Variants in SCN9A observed in about 807,000 individuals in gnomAD.
SCN9A encodes sodium voltage-gated channel alpha subunit 9.
A neutral mutation model predicts 187.0 loss-of-function variants in SCN9A; 131 were observed. The ratio of observed to expected loss-of-function variants is 0.70; its 90% CI spans 0.61 to 0.81. The LOEUF (loss-of-function observed/expected upper bound fraction) is 0.81, where lower values mean the gene tolerates loss of function less well. Among genes scored for constraint, SCN9A ranks in the 30% least tolerant of loss-of-function variants. SCN9A has a pLI of 0.00. For missense variants in SCN9A, 2,252 were observed against 2,396.6 expected (o/e 0.94, Z 1.26); for synonymous variants, 809 against 808.6 (o/e 1.00, Z -0.01).
chr2:166,274,695 A>C (rs1377008825), intron 16 of SCN9A, among the ~76,000 whole-genome samples: 1 of 152,118 alleles, frequency 6.6e-6, no homozygotes, highest in Non-Finnish European at 1.5e-5. Context: ...TTAAAGAATA[A>C]TAATATGAGT....
intron 17 of SCN9A, among the ~76,000 whole-genome samples, chr2:166,266,415 G>T (rs946223485): frequency 3.3e-5 from 5 of 151,776 alleles, no homozygotes; most frequent in Non-Finnish European, 7.4e-5. Flanking sequence ...CTTATGTATT[G>T]CTCTGTGTGT....
intron 20 of SCN9A, among the ~76,000 whole-genome samples, chr2:166,237,781 T>G: frequency 6.6e-6 from 1 of 152,154 alleles, no homozygotes; most frequent in Non-Finnish European, 1.5e-5. Context: ...TGTTTTATTC[T>G]TAACAAGAAT....
intron 7 of SCN9A, 97 bp downstream of exon 7, chr2:166,302,993 T>C (rs1574900756): frequency 1.0e-6 from 1 of 984,492 alleles, no homozygotes; most frequent in Non-Finnish European, 1.5e-6. Context: ...TTGAATAGCT[T>C]TGAAATGATT....
intron 16 of SCN9A, among the ~76,000 whole-genome samples, chr2:166,273,746 A>C (rs1050469686): frequency 1.3e-5 from 2 of 152,174 alleles, no homozygotes; most frequent in Non-Finnish European, 2.9e-5. Context: ...GAAACAAAAA[A>C]GGAAATTGAA....
chr2:166,214,294 C>T (rs1194821999), intron 24 of SCN9A, among the ~76,000 whole-genome samples: 2 of 152,036 alleles, frequency 1.3e-5, no homozygotes, highest in African/African-American at 4.8e-5. Context: ...GCTTTAATTC[C>T]TGGGATCAGA....
chr2:166,291,744 A>G (rs186292600), intron 9 of SCN9A, among the ~76,000 whole-genome samples: 1 of 152,324 alleles, frequency 6.6e-6, no homozygotes, highest in Non-Finnish European at 1.5e-5. Context: ...ATGGAATAGA[A>G]TAGAGACCTC....
At chr2:166,358,665 A>G (rs547000677) in intron 1 of SCN9A, among the ~76,000 whole-genome samples, 1 of 152,224 alleles carries the variant, frequency 6.6e-6, no homozygotes, top group African/African-American at 2.4e-5. Flanking sequence ...ATTTTAATTA[A>G]ATTGAATTCA....
At chr2:166,281,645 AG>A in intron 13 of SCN9A, 33 bp downstream of exon 13, 1 of 1,581,710 alleles carries the variant, frequency 6.3e-7, no homozygotes, top group Admixed American at 1.8e-5. Flanking sequence ...ATTTTATTTA[AG>A]AATCTGTACA....
intron 1 of SCN9A, among the ~76,000 whole-genome samples, chr2:166,317,603 T>TA (rs1315468171): frequency 6.6e-6 from 1 of 152,228 alleles, no homozygotes; most frequent in African/African-American, 2.4e-5. Context: ...CACACACATA[T>TA]ATATAGATAT....
chr2:166,354,527 C>A (rs1409190604), intron 1 of SCN9A, among the ~76,000 whole-genome samples: 1 of 152,136 alleles, frequency 6.6e-6, no homozygotes, highest in Non-Finnish European at 1.5e-5. Context: ...CACATTTTGA[C>A]ATGTTCACCA....
intron 2 of SCN9A, among the ~76,000 whole-genome samples, chr2:166,311,084 C>T (rs1242081899): frequency 2.8e-5 from 2 of 71,706 alleles, no homozygotes; most frequent in Non-Finnish European, 4.9e-5. Context: ...ATATCACACT[C>T]TAGGGACTGT....
chr2:166,208,088 G>A (rs1693903615), intron 24 of SCN9A, among the ~76,000 whole-genome samples: 2 of 152,226 alleles, frequency 1.3e-5, no homozygotes, highest in South Asian at 4.1e-4. Context: ...ACTTGCGTGG[G>A]TGTTTTGTTT....
intron 10 of SCN9A, among the ~76,000 whole-genome samples, chr2:166,287,165 T>A (rs1334030786): frequency 6.6e-6 from 1 of 152,132 alleles, no homozygotes; most frequent in African/African-American, 2.4e-5. Flanking sequence ...ACTATCCCTT[T>A]ACAAAATGTT....
At chr2:166,304,501 T>A (rs1429515183) in intron 5 of SCN9A, among the ~76,000 whole-genome samples, 172 bp from the exon 6 acceptor site, 1 of 152,116 alleles carries the variant, frequency 6.6e-6, no homozygotes. Context: ...TTTGACTCAT[T>A]TGATGCAAAC....
At chr2:166,338,452 T>C (rs193043836) in intron 1 of SCN9A, among the ~76,000 whole-genome samples, 79 of 152,270 alleles carry the variant, frequency 5.2e-4, no homozygotes, top group Admixed American at 9.2e-4. Flanking sequence ...ATGCTATTTG[T>C]TGGCTTCTCC....
At chr2:166,282,123 T>C (rs1697517330) in intron 12 of SCN9A, among the ~76,000 whole-genome samples, 1 of 152,232 alleles carries the variant, frequency 6.6e-6, no homozygotes, top group Non-Finnish European at 1.5e-5. Flanking sequence ...ATCACCTCTC[T>C]GCCTTTCTGA....
At chr2:166,292,450 A>G (rs907802772) in intron 9 of SCN9A, among the ~76,000 whole-genome samples, 1 of 152,052 alleles carries the variant, frequency 6.6e-6, no homozygotes, top group Non-Finnish European at 1.5e-5. Context: ...TTTGCTGTAA[A>G]GTGCATCTTA....
Position 166,242,521 on chromosome 2 carries a change from A to G in SCN9A, c.3608T>C (p.Leu1203Pro). 6.3e-7 allele frequency: 1 copy of G among 1,596,874 alleles called. No homozygotes were observed. Among genetic ancestry groups the G allele is most frequent in the Middle Eastern group, 1.7e-4 (1 of 6,032 alleles). Residue 1203 changes from leucine to proline, a missense_variant, in exon 19 of 27, where the codon CTG (leucine) becomes CCG (proline). Physicochemically the swap from Leu to Pro is moderately conservative, Grantham distance 98. This residue lies in a region of SCN9A where 313 missense variants were observed against 295.3 expected (regional missense o/e 1.06). Transcript: ENST00000642356. ...WFESFIVLMILLSSGALAFED... is the reference protein window; with the variant it reads ...WFESFIVLMIPLSSGALAFED... The stretch of plus-strand genomic sequence containing the variant: ...ATTTACCAGGGCACCACTGCTGAGC[A>G]GGATCATGAGGACAATGAAGCTTTC...
At chr2:166,219,259 C>T (rs951966106) in intron 24 of SCN9A, among the ~76,000 whole-genome samples, 4 of 152,116 alleles carry the variant, frequency 2.6e-5, no homozygotes, top group Admixed American at 6.5e-5. Flanking sequence ...TATAAAGACA[C>T]ATGCACACAT....
Sources: gnomAD v4.1 joint callset for allele counts (sites outside exome capture counted in the v4.1 genomes callset) on GRCh38, gnomAD v4.1.1 for gene constraint, gnomAD v4.1.1 regional missense constraint, MANE v1.5 for transcripts, NCBI Gene and HGNC (gene_info 2026-07-23, HGNC 2026-07-21) for gene names.